Variants in CAMK2D observed in about 807,000 individuals in gnomAD.
CAMK2D encodes the protein calcium/calmodulin dependent protein kinase II delta.
In CAMK2D, 37 loss-of-function variants were observed where a neutral mutation model predicts 84.0. The ratio of observed to expected loss-of-function variants is 0.44; its 90% confidence interval spans 0.34 to 0.58. The LOEUF (loss-of-function observed/expected upper bound fraction) is 0.58. CAMK2D is among the 20% of genes least tolerant of loss of function. The pLI is 0.02. For synonymous variants in CAMK2D, 202 were observed against 212.5 expected (o/e 0.95, Z 0.43); for missense variants, 448 against 652.5 (o/e 0.69, Z 3.41).
rs746535017 is a variant in CAMK2D, at chr4:113,513,356, T to C, written c.918A>G (p.Thr306=). The C allele has an allele frequency of 6.2e-7, 1 of 1,612,502 alleles. No individual in the cohort carries two copies. Among genetic ancestry groups the C allele is most frequent in the Non-Finnish European group, 8.5e-7 (1 of 1,178,504 alleles). ...ARRKLKGAIL[T]TMLATRNFSA... is the part of the protein sequence containing the mutation. ...AGAAATTCCTTGTAGCCAGCATAGT[T>C]GTCAAGATGGCACCCTGTGAAAAAA... The change falls in exon 12 of 21, where the codon ACA becomes ACG. Residue 306 remains threonine (T), a synonymous_variant. Coordinates refer to ENST00000511664, the MANE Select transcript of CAMK2D (RefSeq NM_001321571.2).
intron 2 of CAMK2D, among the ~76,000 whole-genome samples, chr4:113,685,636 A>G (rs1416719614): frequency 6.6e-6 from 1 of 152,196 alleles, no homozygotes. Context: ...AAATTAGGTA[A>G]TATTACAAGA....
intron 4 of CAMK2D, among the ~76,000 whole-genome samples, chr4:113,582,396 T>C (rs1452713312): frequency 2.6e-5 from 4 of 152,226 alleles, no homozygotes; most frequent in South Asian, 2.1e-4. Context: ...AATTTACATA[T>C]AGCAAAATCC....
chr4:113,563,570 A>G lies in CAMK2D; in HGVS notation c.276-11474T>C, dbSNP rs1332232285. ...CCTAAGAAGGAAATGAGGATGTTTC[A>G]GTGTTTCCAACTCTAAGATAGTGGT... On this transcript the variant is annotated intron_variant, in intron 4 of 20. Transcript: ENST00000511664. Among the ~76,000 whole-genome samples, 4 of 152,328 alleles carry G rather than the reference A, an allele frequency of 2.6e-5. No homozygotes were observed. The East Asian group carries it at 5.8e-4, about 22-fold the overall frequency.
chr4:113,713,440 A>G (rs966816600), intron 2 of CAMK2D, among the ~76,000 whole-genome samples: 28 of 148,428 alleles, frequency 1.9e-4, no homozygotes, highest in East Asian at 1.7e-3. Context: ...TTAAATGTAA[A>G]CTTGTGATAG....
intron 9 of CAMK2D, among the ~76,000 whole-genome samples, chr4:113,517,073 A>G (rs2098294937): frequency 6.6e-6 from 1 of 151,938 alleles, no homozygotes; most frequent in Non-Finnish European, 1.5e-5. Context: ...TGTGAAACTC[A>G]TTCTTCAAAT....
Position 113,759,417 on chromosome 4 carries a change from G to A in CAMK2D, c.66-3C>T, listed in dbSNP as rs1197771350. On this transcript the variant is annotated splice_region_variant and splice_polypyrimidine_tract_variant and intron_variant, in intron 1 of 20. Coordinates refer to ENST00000511664, the MANE Select transcript of CAMK2D (RefSeq NM_001321571.2). ...TTCTCACCACTGAGAATGCCCCCCT[G>A]GAAACCAATAATTAGCAGGTCATTA... 11 of 1,563,372 alleles carry A rather than the reference G, an allele frequency of 7.0e-6. 1 individual carries two copies. In the East Asian group the frequency reaches 2.3e-4, roughly 32 times the overall value.
intron 2 of CAMK2D, among the ~76,000 whole-genome samples, chr4:113,716,999 G>A (rs146228241): frequency 0.026 from 4,018 of 152,228 alleles, 90 homozygotes; most frequent in Non-Finnish European, 0.038. Flanking sequence ...GGAATTAAAT[G>A]TTTGAAGGAA....
chr4:113,610,706 A>G (rs1169935683), intron 3 of CAMK2D, among the ~76,000 whole-genome samples: 1 of 152,222 alleles, frequency 6.6e-6, no homozygotes, highest in Non-Finnish European at 1.5e-5. Context: ...GTTCAGTCTC[A>G]GACCCTCTAC....
At position 113,454,505 on chromosome 4, in the gene CAMK2D, T is replaced by C. The variant is rs752358334; in HGVS notation, c.*40A>G. On this transcript the variant is annotated 3_prime_UTR_variant, in exon 21 of 21. Transcript: ENST00000511664. ...AACAGAGAATGCAGAAGTGGCACTGTTGAAATTTAGCTGAAAGGAGAAAGG... is the reference window on the plus strand; with the variant it reads ...AACAGAGAATGCAGAAGTGGCACTGCTGAAATTTAGCTGAAAGGAGAAAGG... 3.9e-6 allele frequency: 3 copies of C among 778,876 alleles called. No individual in the cohort carries two copies. The highest frequency in any genetic ancestry group is 7.2e-6 in the Non-Finnish European group (3 of 416,814). The allele number at this position is 778,876 out of a possible 1,614,324, so 48.2% of individuals were successfully genotyped here. A position where few individuals can be genotyped will look rare whatever the true frequency, so the allele number is the denominator to read the frequency against.
At chr4:113,710,815 C>T (rs1008594436) in intron 2 of CAMK2D, among the ~76,000 whole-genome samples, 5 of 152,098 alleles carry the variant, frequency 3.3e-5, no homozygotes, top group Non-Finnish European at 7.4e-5. Flanking sequence ...TTTAGGTATA[C>T]CAGCTTCATA....
chr4:113,526,769 C>A (rs186494086), intron 8 of CAMK2D, among the ~76,000 whole-genome samples: 1 of 152,148 alleles, frequency 6.6e-6, no homozygotes, highest in African/African-American at 2.4e-5. Context: ...GAGTCTAAGA[C>A]AGTGAATCCA....
intron 5 of CAMK2D, among the ~76,000 whole-genome samples, chr4:113,549,332 A>C (rs1346247943): frequency 6.6e-6 from 1 of 152,208 alleles, no homozygotes; most frequent in African/African-American, 2.4e-5. Context: ...TCATGAATAA[A>C]ATAAACCCCT....
chr4:113,462,827 T>C (rs1273284639), intron 17 of CAMK2D, among the ~76,000 whole-genome samples: 1 of 151,874 alleles, frequency 6.6e-6, no homozygotes, highest in Non-Finnish European at 1.5e-5. Flanking sequence ...CTTTTTATCA[T>C]TCCACAAGGA....
chr4:113,530,376 G>A (rs1440277667), intron 8 of CAMK2D, among the ~76,000 whole-genome samples: 1 of 152,160 alleles, frequency 6.6e-6, no homozygotes, highest in African/African-American at 2.4e-5. Flanking sequence ...CATCACATGA[G>A]GTCAGGTGCA....
intron 7 of CAMK2D, among the ~76,000 whole-genome samples, chr4:113,533,733 C>G (rs1339074218): frequency 6.6e-6 from 1 of 150,380 alleles, no homozygotes; most frequent in Non-Finnish European, 1.5e-5. Context: ...ATAAGAGAAA[C>G]AGAATATATT....
intron 19 of CAMK2D, 77 bp downstream of exon 19, chr4:113,457,258 C>A (rs2097314289): frequency 1.9e-6 from 3 of 1,562,770 alleles, no homozygotes; most frequent in Non-Finnish European, 2.6e-6. Flanking sequence ...ATATACCATG[C>A]TATTAACAAT....
chr4:113,661,628 A>G, intron 3 of CAMK2D, 85 bp downstream of exon 3: 1 of 610,358 alleles, frequency 1.6e-6, no homozygotes, highest in Admixed American at 3.2e-5. Flanking sequence ...TAAATATTCT[A>G]GATTATAAAA....
intron 8 of CAMK2D, among the ~76,000 whole-genome samples, chr4:113,518,600 G>A (rs1259322657): frequency 2.6e-5 from 4 of 152,088 alleles, no homozygotes; most frequent in Non-Finnish European, 4.4e-5. Context: ...CTGGAGGAAG[G>A]CAGTCATTCC....
intron 2 of CAMK2D, among the ~76,000 whole-genome samples, chr4:113,725,663 C>T (rs918168098): frequency 5.9e-5 from 9 of 152,130 alleles, no homozygotes; most frequent in African/African-American, 2.2e-4. Context: ...TATCAACAAA[C>T]CTAACACTAA....
Sources: allele counts gnomAD v4.1 joint callset (sites outside exome capture counted in the v4.1 genomes callset), GRCh38; gene constraint gnomAD v4.1.1; transcripts MANE v1.5; gene names NCBI Gene and HGNC (gene_info 2026-07-23, HGNC 2026-07-21).